Variants in KL observed in about 807,000 individuals in gnomAD.
The protein encoded by KL is klotho.
Under a neutral mutation model 84.2 loss-of-function variants are expected in KL, and 62 were observed. The observed-to-expected ratio is 0.74, with a 90% CI of 0.60 to 0.91. The LOEUF is 0.91. Ranked by LOEUF, KL falls within the 40% of genes least tolerant of loss-of-function variation. The pLI is 0.00. For synonymous variants in KL, 528 were observed against 528.0 expected (o/e 1.00, Z 0.00); for missense variants, 1,261 against 1,305.7 (o/e 0.97, Z 0.53).
upstream of KL, chr13:33,016,310 G>C (rs1232817886): frequency 6.6e-6 from 1 of 151,668 alleles, no homozygotes; most frequent in South Asian, 2.0e-4. Flanking sequence ...GTCCCGGCTC[G>C]CAGGTAATTA....
intron 1 of KL, among the ~76,000 whole-genome samples, chr13:33,035,371 T>C (rs933882823): frequency 6.6e-6 from 1 of 152,162 alleles, no homozygotes; most frequent in African/African-American, 2.4e-5. Context: ...GAGGCAGAAG[T>C]AGAATGTTTA....
In KL at chr13:33,061,369, A is replaced by G. The variant is rs759233965; in HGVS notation, c.2290A>G (p.Ile764Val). The G allele has an allele frequency of 3.1e-6, 5 of 1,614,148 alleles. No homozygotes were observed. The South Asian group carries it at 5.5e-5, about 18-fold the overall frequency. Reference sequence around the variant, plus strand: ...TGACATTGGCTGGCTGGCTGAGCCCATTTTCGGCTCTGGAGATTATCCATG... The same window carrying G: ...TGACATTGGCTGGCTGGCTGAGCCCGTTTTCGGCTCTGGAGATTATCCATG... ...EFDIGWLAEP[I>V]FGSGDYPWVM... Residue 764 changes from isoleucine (I) to valine (V), a missense_variant, in exon 4 of 5, where the codon ATT (isoleucine) becomes GTT (valine). Coordinates refer to ENST00000380099, the MANE Select transcript of KL (RefSeq NM_004795.4).
intron 1 of KL, among the ~76,000 whole-genome samples, chr13:33,029,645 A>T (rs1566500050): frequency 2.0e-5 from 3 of 151,920 alleles, no homozygotes; most frequent in African/African-American, 7.2e-5. Flanking sequence ...TTATTTATTT[A>T]TTTTTTGAGA....
chr13:33,023,989 G>A (rs1566498464), intron 1 of KL, among the ~76,000 whole-genome samples: 1 of 152,230 alleles, frequency 6.6e-6, no homozygotes, highest in Non-Finnish European at 1.5e-5. Context: ...GAGGAACTCA[G>A]TTCCACTCAA....
intron 3 of KL, among the ~76,000 whole-genome samples, chr13:33,056,670 G>A (rs1364919139): frequency 6.6e-6 from 1 of 151,940 alleles, no homozygotes; most frequent in Non-Finnish European, 1.5e-5. Context: ...TCCGGGTGTG[G>A]TGGCGGGCAC....
At chr13:33,056,118 C>G (rs1163738192) in intron 3 of KL, among the ~76,000 whole-genome samples, 2 of 152,104 alleles carry the variant, frequency 1.3e-5, no homozygotes, top group East Asian at 3.9e-4. Context: ...TGAGCGAAAA[C>G]AATGTATGCA....
chr13:33,047,485 T>C (rs1474196565), intron 1 of KL, among the ~76,000 whole-genome samples: 2 of 152,108 alleles, frequency 1.3e-5, no homozygotes, highest in African/African-American at 4.8e-5. Flanking sequence ...CCCGAGTAGC[T>C]GGGATTACAG....
intron 1 of KL, among the ~76,000 whole-genome samples, chr13:33,043,982 T>A (rs956392028): frequency 3.9e-5 from 6 of 152,220 alleles, no homozygotes; most frequent in African/African-American, 1.2e-4. Flanking sequence ...TTTTATAGTT[T>A]TAGCTTTTAG....
chr13:33,051,981 A>G (rs1284244211), intron 1 of KL, among the ~76,000 whole-genome samples: 1 of 152,174 alleles, frequency 6.6e-6, no homozygotes, highest in Non-Finnish European at 1.5e-5. Context: ...TTTGTGAGAC[A>G]TATCTTTCTC....
chr13:33,029,220 A>G (rs929160920), intron 1 of KL, among the ~76,000 whole-genome samples: 5 of 152,202 alleles, frequency 3.3e-5, no homozygotes, highest in Admixed American at 1.3e-4. Flanking sequence ...GTTTTGGAGA[A>G]TTTTCAAAGT....
At chr13:33,025,815 T>A (rs970594192) in intron 1 of KL, among the ~76,000 whole-genome samples, 2 of 137,496 alleles carry the variant, frequency 1.5e-5, no homozygotes, top group Non-Finnish European at 3.0e-5. Flanking sequence ...ACCTCTCAGG[T>A]TTTTTCCCCC....
chr13:33,027,771 T>C (rs1870831738), intron 1 of KL, among the ~76,000 whole-genome samples: 1 of 152,192 alleles, frequency 6.6e-6, no homozygotes, highest in African/African-American at 2.4e-5. Flanking sequence ...TACACAACAC[T>C]CAGAATGGCA....
Position 33,060,202 on chromosome 13 carries a change from C to T in KL, c.1600-477C>T, listed in dbSNP as rs970825944. Among the ~76,000 whole-genome samples the T allele has an allele frequency of 2.6e-5, 4 of 152,198 alleles. No homozygotes were observed. The South Asian group carries it at 8.3e-4, about 32-fold the overall frequency. ...TCAAGTGACCCTCCCGCCTCGGCCT[C>T]TCAAAGTGCTGGGATTATAGGCATG... On this transcript the variant is annotated intron_variant, in intron 3 of 4. Transcript: ENST00000380099.
At chr13:33,063,514 T>C (rs1240748475) in intron 4 of KL, among the ~76,000 whole-genome samples, 1 of 152,136 alleles carries the variant, frequency 6.6e-6, no homozygotes, top group Non-Finnish European at 1.5e-5. Flanking sequence ...GACTCACGCC[T>C]GTAATCCCAG....
chr13:33,018,908 G>A (rs561344857), intron 1 of KL, among the ~76,000 whole-genome samples: 3 of 152,314 alleles, frequency 2.0e-5, no homozygotes, highest in African/African-American at 7.2e-5. Context: ...ATAAGATAAA[G>A]ACTTGCGTGC....
In KL at chr13:33,061,005, C is replaced by G. The variant is rs1478129714; in HGVS notation, c.1926C>G (p.Ala642=). ...TGGTGGCCCTGTGGCAGCCTATGGC[C>G]CCGAACCAAGGACTGCCGCGCCTCC... ...TPVVALWQPM[A]PNQGLPRLLA... is the part of the protein sequence containing the mutation. Residue 642 remains alanine (A), a synonymous_variant, in exon 4 of 5, where the codon GCC becomes GCG. Coordinates refer to ENST00000380099, the MANE Select transcript of KL (RefSeq NM_004795.4). 1 of 1,612,892 alleles carries G rather than the reference C, an allele frequency of 6.2e-7. No individual in the cohort carries two copies. Among genetic ancestry groups the G allele is most frequent in the African/African-American group, 1.3e-5 (1 of 74,918 alleles).
chr13:33,051,592 A>G (rs1871751761), intron 1 of KL, among the ~76,000 whole-genome samples: 2 of 152,272 alleles, frequency 1.3e-5, no homozygotes, highest in Non-Finnish European at 1.5e-5. Context: ...CAGAGACCAT[A>G]TATGTCTTTC....
chr13:33,037,446 T>C (rs1158945750), intron 1 of KL, among the ~76,000 whole-genome samples: 1 of 152,192 alleles, frequency 6.6e-6, no homozygotes, highest in Admixed American at 6.5e-5. Context: ...AGCTGTCAAC[T>C]TTAATACTTT....
At chr13:33,049,480 A>G (rs1871663329) in intron 1 of KL, among the ~76,000 whole-genome samples, 1 of 152,242 alleles carries the variant, frequency 6.6e-6, no homozygotes, top group South Asian at 2.1e-4. Flanking sequence ...TCATAGAAAC[A>G]CATAGAACAG....
Sources: allele counts gnomAD v4.1 joint callset (sites outside exome capture counted in the v4.1 genomes callset), GRCh38; gene constraint gnomAD v4.1.1; transcripts MANE v1.5; gene names NCBI Gene and HGNC (gene_info 2026-07-23, HGNC 2026-07-21).